RMDN2: variants seen among roughly 807,000 people sequenced by gnomAD.
The protein encoded by RMDN2 is regulator of microtubule dynamics 2.
RMDN2 carries 61 observed loss-of-function variants against 52.8 expected under a neutral mutation model. The ratio of observed to expected loss-of-function variants is 1.16; its 90% confidence interval spans 0.94 to 1.43. The LOEUF (loss-of-function observed/expected upper bound fraction) is 1.43, where lower values mean the gene tolerates loss of function less well. Among genes scored for constraint, RMDN2 ranks in the 40% most tolerant of loss-of-function variants. RMDN2 has a pLI of 0.00. For synonymous variants in RMDN2, 180 were observed against 153.1 expected, an observed-to-expected ratio of 1.18 and a Z score of -1.30; for missense variants, 592 against 475.3, an observed-to-expected ratio of 1.25 and a Z score of -2.28.
At chr2:38,009,591 T>C (rs1677645057) in intron 10 of RMDN2, among the ~76,000 whole-genome samples, 1 of 152,232 alleles carries the variant, frequency 6.6e-6, no homozygotes, top group African/African-American at 2.4e-5. Context: ...CTGCGTTGAT[T>C]ATTCTAGTTA....
chr2:38,046,171 A>G (rs967943193), intron 10 of RMDN2, among the ~76,000 whole-genome samples: 8 of 152,210 alleles, frequency 5.3e-5, no homozygotes, highest in African/African-American at 1.9e-4. Context: ...ACACATAAGA[A>G]CTTTCAAGAC....
At chr2:38,049,270 G>A (rs1172893361) in intron 10 of RMDN2, among the ~76,000 whole-genome samples, 1 of 152,102 alleles carries the variant, frequency 6.6e-6, no homozygotes, top group African/African-American at 2.4e-5. Flanking sequence ...GGAAGGAAGG[G>A]AAGTTGGGAG....
intron 8 of RMDN2, among the ~76,000 whole-genome samples, chr2:38,002,560 G>T (rs527610168): frequency 7.2e-5 from 11 of 152,178 alleles, no homozygotes; most frequent in Admixed American, 2.0e-4. Flanking sequence ...TAGCTTTACT[G>T]AGGTATAATT....
chr2:37,947,901 C>T (rs1316837827), intron 2 of RMDN2, among the ~76,000 whole-genome samples: 2 of 152,166 alleles, frequency 1.3e-5, no homozygotes, highest in East Asian at 1.9e-4. Context: ...TACTTCTCCC[C>T]GTGTGTAATG....
chr2:38,054,264 A>G (rs2125302824), intron 10 of RMDN2, among the ~76,000 whole-genome samples: 1 of 152,378 alleles, frequency 6.6e-6, no homozygotes, highest in Middle Eastern at 3.4e-3. Flanking sequence ...CTGTGAAAAT[A>G]AAGAGCTGCT....
In RMDN2 at chr2:37,997,515, G is replaced by C. The variant is rs766582272; in HGVS notation, c.1044+1G>C. The C allele has an allele frequency of 3.2e-6, 5 of 1,582,212 alleles. No homozygotes were observed. The African/African-American group carries it at 6.7e-5, about 21-fold the overall frequency. On this transcript the variant is annotated splice_donor_variant, in intron 8 of 10. Coordinates refer to ENST00000354545, the MANE Select transcript of RMDN2 (RefSeq NM_001170791.3). LOFTEE classifies it high-confidence loss of function. ...AGAAGCTTTACACAATTTCCTTAAGGTACATTTTGTGTATCCATTATTTTA... is the reference window on the plus strand; with the variant it reads ...AGAAGCTTTACACAATTTCCTTAAGCTACATTTTGTGTATCCATTATTTTA...
downstream of RMDN2, among the ~76,000 whole-genome samples, chr2:38,022,434 G>T (rs893752992): frequency 6.6e-6 from 1 of 152,156 alleles, no homozygotes; most frequent in African/African-American, 2.4e-5. Context: ...GATTGTTCCT[G>T]CTAGATCACG....
chr2:37,926,729 G>A (rs146246415), intron 1 of RMDN2, among the ~76,000 whole-genome samples: 75 of 152,342 alleles, frequency 4.9e-4, no homozygotes, highest in African/African-American at 1.7e-3. Context: ...TTGGGCCCAG[G>A]AGTTCGGGAC....
upstream of RMDN2, among the ~76,000 whole-genome samples, chr2:37,924,801 G>A (rs1236902047): frequency 2.0e-5 from 3 of 152,258 alleles, no homozygotes; most frequent in Non-Finnish European, 4.4e-5. Flanking sequence ...CGGGGAGAAG[G>A]AAGAGGCTGT....
intron 4 of RMDN2, among the ~76,000 whole-genome samples, chr2:37,978,409 G>A (rs770802687): frequency 6.6e-6 from 1 of 152,152 alleles, no homozygotes; most frequent in African/African-American, 2.4e-5. Context: ...ACTAAGGTAG[G>A]AATAGGATAG....
chr2:38,062,699 G>A (rs1320990734), intron 10 of RMDN2, among the ~76,000 whole-genome samples: 1 of 151,742 alleles, frequency 6.6e-6, no homozygotes, highest in Non-Finnish European at 1.5e-5. Context: ...CATGTACCAT[G>A]TTGGTGTGCT....
chr2:37,951,294 G>A (rs1479801065), intron 2 of RMDN2: 9 of 1,611,876 alleles, frequency 5.6e-6, no homozygotes, highest in East Asian at 4.5e-5. Flanking sequence ...TAGTACAGAC[G>A]CCCAGCATCG....
chr2:37,992,285 G>A (rs1340918472), intron 7 of RMDN2, among the ~76,000 whole-genome samples: 1 of 152,270 alleles, frequency 6.6e-6, no homozygotes, highest in Non-Finnish European at 1.5e-5. Context: ...TGTTACGTAC[G>A]AAGAAAACTT....
intron 10 of RMDN2, among the ~76,000 whole-genome samples, chr2:38,051,504 T>G (rs1182298960): frequency 6.6e-6 from 1 of 152,216 alleles, no homozygotes; most frequent in East Asian, 1.9e-4. Flanking sequence ...TGATATCCAA[T>G]CACCTTTAAC....
chr2:38,003,546 T>TGATAGATAGATAGATG (rs1676603270), intron 8 of RMDN2, among the ~76,000 whole-genome samples: 1 of 132,378 alleles, frequency 7.6e-6, no homozygotes, highest in South Asian at 2.7e-4. Flanking sequence ...AAGCAAGACC[T>TGATAGATAGATAGATG]GATAGATAGA....
chr2:38,059,874 G>A (rs1681972910), intron 10 of RMDN2, among the ~76,000 whole-genome samples: 1 of 151,916 alleles, frequency 6.6e-6, no homozygotes, highest in Non-Finnish European at 1.5e-5. Context: ...GTTTTTTGTT[G>A]TCGTTGGTTT....
chr2:38,050,118 A>C (rs1178390644), intron 10 of RMDN2, among the ~76,000 whole-genome samples: 1 of 152,176 alleles, frequency 6.6e-6, no homozygotes, highest in Non-Finnish European at 1.5e-5. Flanking sequence ...ATTTCTACAA[A>C]CTGGCAGAGA....
chr2:38,029,977 C>G (rs764640016), intron 10 of RMDN2: 1 of 152,098 alleles, frequency 6.6e-6, no homozygotes, highest in Non-Finnish European at 1.5e-5. Flanking sequence ...CCTTATAAAA[C>G]CATGAGATCT....
chr2:37,976,586 A>T (rs1421970374), intron 4 of RMDN2, among the ~76,000 whole-genome samples: 1 of 152,126 alleles, frequency 6.6e-6, no homozygotes, highest in Non-Finnish European at 1.5e-5. Flanking sequence ...CGTTTCCCCC[A>T]GTGGGAGGAG....
Sources: gnomAD v4.1 joint callset for allele counts (sites outside exome capture counted in the v4.1 genomes callset) on GRCh38, gnomAD v4.1.1 for gene constraint, MANE v1.5 for transcripts, NCBI Gene and HGNC (gene_info 2026-07-23, HGNC 2026-07-21) for gene names.